The following ASIP variants were observed in gnomAD, a reference collection of about 807,000 sequenced individuals.
The protein encoded by ASIP is agouti signaling protein, also known as agouti-signaling protein.
ASIP carries 11 observed loss-of-function variants against 10.3 expected under a neutral mutation model. The observed-to-expected ratio is 1.07, with a 90% CI of 0.68 to 1.78. The LOEUF (loss-of-function observed/expected upper bound fraction) is 1.78. Among genes scored for constraint, ASIP ranks in the 40% most tolerant of loss-of-function variants. ASIP has a pLI of 0.00. For missense variants in ASIP, 180 were observed against 169.2 expected, an observed-to-expected ratio of 1.06 and a Z score of -0.35; for synonymous variants, 70 against 70.8, an observed-to-expected ratio of 0.99 and a Z score of 0.06.
In ASIP at chr20:34,200,973, C is replaced by G. The variant is rs6141451; in HGVS notation, c.-11+6213C>G. On this transcript the variant is annotated intron_variant, in intron 1 of 3. Coordinates refer to the ASIP transcript ENST00000568305. ...TTTTCTTTCTTTCTTTCTTTCTTTC[C>G]TTCCTTCCTTCCTTCCTTCCTTCCT... is the stretch of plus-strand genomic sequence containing the variant. 1.4e-3 allele frequency among the ~76,000 whole-genome samples: 54 copies of G among 38,878 alleles called. 1 individual carries two copies. The highest frequency in any genetic ancestry group is 0.011 in the Middle Eastern group (1 of 90). 25.5% of individuals were successfully genotyped at this position (38,878 alleles called of 152,430 possible).
chr20:34,223,280 G>A (rs1182545406), intron 1 of ASIP, among the ~76,000 whole-genome samples: 24 of 141,986 alleles, frequency 1.7e-4, no homozygotes, highest in Non-Finnish European at 2.6e-4. Flanking sequence ...CTGCCCTGCC[G>A]CCCCGTCTGG....
intron 1 of ASIP, among the ~76,000 whole-genome samples, chr20:34,205,582 T>C (rs1221971507): frequency 7.1e-6 from 1 of 140,220 alleles, no homozygotes; most frequent in African/African-American, 3.1e-5. Flanking sequence ...AACGGGTTGC[T>C]GCTACTGGCT....
At chr20:34,259,841 T>C (rs1253926678) in intron 1 of ASIP, among the ~76,000 whole-genome samples, 1 of 152,290 alleles carries the variant, frequency 6.6e-6, no homozygotes, top group East Asian at 1.9e-4. Flanking sequence ...AAACTATACC[T>C]GCATTCGTTC....
At chr20:34,218,269 G>C (rs1341405736) in intron 1 of ASIP, among the ~76,000 whole-genome samples, 1 of 152,064 alleles carries the variant, frequency 6.6e-6, no homozygotes, top group Non-Finnish European at 1.5e-5. Context: ...GCATTATGAG[G>C]GTAAAAAACT....
At chr20:34,261,393 G>A (rs819138) in intron 2 of ASIP, among the ~76,000 whole-genome samples, 36,948 of 152,112 alleles carry the variant, frequency 0.24, 7,308 homozygotes, top group African/African-American at 0.54. Context: ...CAGCACTTTC[G>A]TAGGCTGAGG....
At chr20:34,233,542 T>C (rs1025138317) in intron 1 of ASIP, among the ~76,000 whole-genome samples, 2 of 152,206 alleles carry the variant, frequency 1.3e-5, no homozygotes, top group Non-Finnish European at 2.9e-5. Flanking sequence ...GTGAATAAAC[T>C]AAAAACCTTC....
At chr20:34,240,356 C>T (rs1190913835), upstream of ASIP, among the ~76,000 whole-genome samples, 2 of 152,048 alleles carry the variant, frequency 1.3e-5, no homozygotes, top group African/African-American at 2.4e-5. Context: ...CCTCCTGGTC[C>T]CTAGACTCTG....
At chr20:34,239,399 T>C (rs1389819033), upstream of ASIP, among the ~76,000 whole-genome samples, 1 of 152,190 alleles carries the variant, frequency 6.6e-6, no homozygotes, top group African/African-American at 2.4e-5. Context: ...GTATTTTTAG[T>C]AGAGACGGGG....
chr20:34,203,634 T>G (rs1415905900), intron 1 of ASIP, among the ~76,000 whole-genome samples: 1 of 152,144 alleles, frequency 6.6e-6, no homozygotes, highest in Non-Finnish European at 1.5e-5. Context: ...TAACTTCAAG[T>G]GATCCTCCCA....
At chr20:34,235,867 A>AGG in intron 1 of ASIP, among the ~76,000 whole-genome samples, 1 of 27,058 alleles carries the variant, frequency 3.7e-5, no homozygotes, top group East Asian at 1.2e-3. Context: ...GAAGGAAGGA[A>AGG]AGGAAGGAAG....
chr20:34,250,085 G>A (rs2035448820), intron 1 of ASIP: 1 of 152,286 alleles, frequency 6.6e-6, no homozygotes, highest in Non-Finnish European at 1.5e-5. Flanking sequence ...GTCCTTCACA[G>A]GGATGAGCTT....
intron 1 of ASIP, among the ~76,000 whole-genome samples, chr20:34,226,054 C>T (rs187549327): frequency 9.9e-4 from 151 of 151,896 alleles, no homozygotes; most frequent in African/African-American, 3.1e-3. Context: ...CCACCACACC[C>T]GGCTAATTTT....
At chr20:34,215,890 C>T in intron 1 of ASIP, 1 of 965,982 alleles carries the variant, frequency 1.0e-6, no homozygotes, top group Non-Finnish European at 1.7e-6. Flanking sequence ...CCTGTTTATC[C>T]ATCCTTGCTG....
intron 1 of ASIP, among the ~76,000 whole-genome samples, chr20:34,218,750 C>A (rs1337521931): frequency 1.3e-5 from 2 of 151,992 alleles, no homozygotes; most frequent in African/African-American, 4.8e-5. Flanking sequence ...GCAAGCTCCA[C>A]CCCCTGGGTT....
intron 3 of ASIP, among the ~76,000 whole-genome samples, chr20:34,264,612 T>G (rs1294552787): frequency 6.6e-6 from 1 of 152,110 alleles, no homozygotes; most frequent in Non-Finnish European, 1.5e-5. Flanking sequence ...GTCTGAAGCT[T>G]TGGTTGCTTA....
chr20:34,238,567 T>A (rs2035241511), upstream of ASIP, among the ~76,000 whole-genome samples: 1 of 152,142 alleles, frequency 6.6e-6, no homozygotes, highest in Non-Finnish European at 1.5e-5. Flanking sequence ...TACTTGTTTT[T>A]TTCACTCTCC....
At chr20:34,246,367 C>T in intron 1 of ASIP, 2 of 1,468,824 alleles carry the variant, frequency 1.4e-6, no homozygotes, top group East Asian at 4.9e-5. Context: ...TTAGAAAATT[C>T]TTCTCTAACC....
chr20:34,213,917 A>G, intron 1 of ASIP: 1 of 1,577,380 alleles, frequency 6.3e-7, no homozygotes, highest in Non-Finnish European at 8.6e-7. Flanking sequence ...TGGTTGAGAC[A>G]GTCTGCTAGA....
At chr20:34,196,669 C>A (rs2034859512) in intron 1 of ASIP, among the ~76,000 whole-genome samples, 1 of 152,146 alleles carries the variant, frequency 6.6e-6, no homozygotes, top group Non-Finnish European at 1.5e-5. Context: ...TTGGAAAGAA[C>A]TATAAAGCTA....
Sources: gnomAD v4.1 joint callset for allele counts (sites outside exome capture counted in the v4.1 genomes callset) on GRCh38, gnomAD v4.1.1 for gene constraint, MANE v1.5 for transcripts, NCBI Gene and HGNC (gene_info 2026-07-23, HGNC 2026-07-21) for gene names.